Variants in ABAT observed in about 807,000 individuals in gnomAD.
ABAT encodes the protein 4-aminobutyrate aminotransferase, mitochondrial.
Under a neutral mutation model 64.6 loss-of-function variants are expected in ABAT, and 45 were observed. The observed-to-expected ratio is 0.70, with a 90% CI of 0.55 to 0.89. The LOEUF is 0.89. Ranked by LOEUF, ABAT falls within the 40% of genes least tolerant of loss-of-function variation. ABAT has a pLI of 0.00. For synonymous variants in ABAT, 297 were observed against 250.5 expected (o/e 1.19, Z -1.75); for missense variants, 633 against 658.4 (o/e 0.96, Z 0.42).
At chr16:8,766,034 G>T in intron 8 of ABAT, 174 bp from the exon 9 acceptor site, 1 of 639,066 alleles carries the variant, frequency 1.6e-6, no homozygotes. Context: ...CTTTTGTTGC[G>T]AGCACAGTTG....
At chr16:8,759,078 G>T (rs1025895376) in intron 6 of ABAT, among the ~76,000 whole-genome samples, 3 of 151,970 alleles carry the variant, frequency 2.0e-5, no homozygotes, top group African/African-American at 7.3e-5. Context: ...CTCCAGCTTG[G>T]GTGACAGAGG....
intron 2 of ABAT, among the ~76,000 whole-genome samples, chr16:8,738,234 T>C (rs959343155): frequency 1.3e-5 from 2 of 151,838 alleles, no homozygotes; most frequent in African/African-American, 2.4e-5. Context: ...AGCGGGAGGA[T>C]TGCTTGAGCC....
chr16:8,723,620 G>A lies in ABAT; in HGVS notation c.-41-12079G>A, dbSNP rs183247532. Among the ~76,000 whole-genome samples the A allele has an allele frequency of 4.8e-3, 735 of 152,010 alleles. 6 individuals carry two copies. Among genetic ancestry groups the A allele is most frequent in the Non-Finnish European group, 7.9e-3 (534 of 67,972 alleles). ...AGTCAGAGACAGAGTAAATGCAAAT[G>A]ACTTGTGTGCCTATGATTGTCCAGG... On this transcript the variant is annotated intron_variant, in intron 1 of 15. Coordinates refer to ENST00000268251, the MANE Select transcript of ABAT (RefSeq NM_020686.6).
chr16:8,682,993 T>G (rs2057370571), intron 1 of ABAT, among the ~76,000 whole-genome samples: 1 of 152,226 alleles, frequency 6.6e-6, no homozygotes, highest in Non-Finnish European at 1.5e-5. Context: ...ATAGCTTTGC[T>G]GATAAGTTAC....
At chr16:8,706,230 T>TAAA (rs1310580141) in intron 1 of ABAT, among the ~76,000 whole-genome samples, 36 of 137,136 alleles carry the variant, frequency 2.6e-4, no homozygotes, top group African/African-American at 8.5e-4. Context: ...TCTGTCTCTA[T>TAAA]AAAAAAAAAT....
At chr16:8,683,773 G>T (rs1371830767) in intron 1 of ABAT, among the ~76,000 whole-genome samples, 2 of 152,168 alleles carry the variant, frequency 1.3e-5, no homozygotes, top group African/African-American at 4.8e-5. Flanking sequence ...CTCCAGGCAT[G>T]GTTGTCTGGT....
intron 5 of ABAT, among the ~76,000 whole-genome samples, chr16:8,752,890 ATGCACTTGGCATAT>A (rs910056457): frequency 2.6e-5 from 4 of 152,200 alleles, no homozygotes; most frequent in South Asian, 2.1e-4. Flanking sequence ...AGAATTTACT[ATGCACTTGGCATAT>A]TGCCAAGTGC....
chr16:8,769,656 T>C (rs2060047707), intron 11 of ABAT, among the ~76,000 whole-genome samples: 1 of 152,152 alleles, frequency 6.6e-6, no homozygotes. Flanking sequence ...ACCACTGGTT[T>C]TGTCTTCTCC....
intron 1 of ABAT, among the ~76,000 whole-genome samples, chr16:8,693,312 G>A (rs1479512969): frequency 1.3e-5 from 2 of 151,944 alleles, no homozygotes; most frequent in Non-Finnish European, 2.9e-5. Flanking sequence ...TTTTTTCAAT[G>A]TTTCTAGGCT....
chr16:8,732,476 G>A (rs960957549), intron 1 of ABAT, among the ~76,000 whole-genome samples: 5 of 150,900 alleles, frequency 3.3e-5, no homozygotes, highest in African/African-American at 9.9e-5. Context: ...ATCTTGCACC[G>A]CCCTTAATCC....
chr16:8,743,547 T>C (rs1264701377), intron 2 of ABAT, among the ~76,000 whole-genome samples: 1 of 143,736 alleles, frequency 7.0e-6, no homozygotes, highest in Non-Finnish European at 1.5e-5. Context: ...AGTTATAATA[T>C]ATTATGTAAT....
intron 11 of ABAT, among the ~76,000 whole-genome samples, chr16:8,771,790 G>T (rs1291845603): frequency 6.6e-6 from 1 of 151,834 alleles, no homozygotes; most frequent in African/African-American, 2.4e-5. Context: ...AACAAAGACA[G>T]GATCTTGCTG....
At chr16:8,700,825 T>G (rs550711432) in intron 1 of ABAT, among the ~76,000 whole-genome samples, 11 of 152,202 alleles carry the variant, frequency 7.2e-5, no homozygotes, top group African/African-American at 2.6e-4. Context: ...AGGCTGGTCT[T>G]GAGCTCCCTG....
rs1056596791 is a variant in ABAT at position 8,739,066 on chromosome 16, C to T, written c.70+3257C>T. Among the ~76,000 whole-genome samples the T allele has an allele frequency of 7.9e-5, 12 of 152,360 alleles. No homozygotes were observed. The South Asian group carries it at 1.4e-3, about 18-fold the overall frequency. On this transcript the variant is annotated intron_variant, in intron 2 of 15. Coordinates refer to ENST00000268251, the MANE Select transcript of ABAT (RefSeq NM_020686.6). ...TCCAAGTCAGAAAGAGAGTCTGGCACAGATGATCCATTCATTCCATAACTA... is the reference window on the plus strand; with the variant it reads ...TCCAAGTCAGAAAGAGAGTCTGGCATAGATGATCCATTCATTCCATAACTA...
chr16:8,690,610 G>A (rs185482985), intron 1 of ABAT, among the ~76,000 whole-genome samples: 3 of 152,268 alleles, frequency 2.0e-5, no homozygotes, highest in East Asian at 1.9e-4. Context: ...TGCCTTGAGC[G>A]GATCCGATGA....
At chr16:8,718,032 C>T (rs1211155010) in intron 1 of ABAT, among the ~76,000 whole-genome samples, 2 of 152,100 alleles carry the variant, frequency 1.3e-5, no homozygotes, top group Non-Finnish European at 2.9e-5. Flanking sequence ...CCTCACAGAC[C>T]CGAGTTTGAA....
intron 1 of ABAT, among the ~76,000 whole-genome samples, chr16:8,712,005 CG>C (rs60186520): frequency 6.6e-6 from 1 of 150,446 alleles, no homozygotes; most frequent in Non-Finnish European, 1.5e-5. Flanking sequence ...TTTGGGAGGT[CG>C]GGGGGGAGGG....
chr16:8,745,422 C>T (rs1277335591), intron 2 of ABAT, among the ~76,000 whole-genome samples: 1 of 152,126 alleles, frequency 6.6e-6, no homozygotes, highest in Non-Finnish European at 1.5e-5. Flanking sequence ...TCAGATCAGG[C>T]ATGGTGGCTC....
At chr16:8,742,624 G>T (rs531690353) in intron 2 of ABAT, among the ~76,000 whole-genome samples, 7 of 152,026 alleles carry the variant, frequency 4.6e-5, no homozygotes, top group Non-Finnish European at 8.8e-5. Context: ...CAGCACTTTG[G>T]GGGGCCAAGG....
Sources: gnomAD v4.1 joint callset for allele counts (sites outside exome capture counted in the v4.1 genomes callset) on GRCh38, gnomAD v4.1.1 for gene constraint, MANE v1.5 for transcripts, NCBI Gene and HGNC (gene_info 2026-07-23, HGNC 2026-07-21) for gene names.